WDCP: variants seen among roughly 807,000 people sequenced by gnomAD.
WDCP encodes the protein WD repeat and coiled-coil-containing protein.
WDCP carries 19 observed loss-of-function variants against 41.6 expected under a neutral mutation model. The ratio of observed to expected loss-of-function variants is 0.46; its 90% CI spans 0.32 to 0.67. The LOEUF (loss-of-function observed/expected upper bound fraction) is 0.67, where lower values mean the gene tolerates loss of function less well. Ranked by LOEUF, WDCP falls within the 30% of genes least tolerant of loss-of-function variation. The probability of loss-of-function intolerance (pLI) is 0.04; values close to 1 mark genes in which losing one functional copy is unlikely to be tolerated. For synonymous variants in WDCP, 302 were observed against 320.8 expected (o/e 0.94, Z 0.63); for missense variants, 802 against 850.7 (o/e 0.94, Z 0.71).
chr2:24,036,003 A>G (rs1663240607), intron 2 of WDCP, among the ~76,000 whole-genome samples: 1 of 150,790 alleles, frequency 6.6e-6, no homozygotes, highest in Non-Finnish European at 1.5e-5. Context: ...TGGGAGTTGG[A>G]GGTTGCAGCG....
intron 1 of WDCP, among the ~76,000 whole-genome samples, chr2:24,040,853 C>T (rs1663405770): frequency 1.3e-5 from 2 of 151,516 alleles, no homozygotes; most frequent in South Asian, 4.2e-4. Flanking sequence ...CCCATCTCTA[C>T]TAAAAATACA....
chr2:24,043,627 A>G (rs1255170594), intron 1 of WDCP, among the ~76,000 whole-genome samples: 1 of 152,210 alleles, frequency 6.6e-6, no homozygotes, highest in African/African-American at 2.4e-5. Flanking sequence ...TCTCTTCTTA[A>G]TATACTTAAA....
Position 24,038,934 on chromosome 2 carries a change from A to G in WDCP, c.561T>C (p.Ala187=), listed in dbSNP as rs764072892. The part of the protein sequence containing the change: ...SSLHSYIWDS[A]QKTLHRCSSC... ...AGGAGCACCTGTGAAGAGTCTTCTG[A>G]GCGCTGTCCCAAATATAAGAATGCA... Residue 187 remains alanine, a synonymous_variant, in exon 2 of 4, where the codon GCT becomes GCC. Transcript: ENST00000295148. 1 of 1,614,208 alleles carries G rather than the reference A, an allele frequency of 6.2e-7. No homozygotes were observed. The highest frequency in any genetic ancestry group is 1.3e-5 in the African/African-American group (1 of 75,050).
chr2:24,041,049 C>T (rs1464690296), intron 1 of WDCP, among the ~76,000 whole-genome samples: 1 of 151,306 alleles, frequency 6.6e-6, no homozygotes, highest in Admixed American at 6.6e-5. Context: ...AAAACAAGTA[C>T]ATGCTTAGGC....
At chr2:24,046,765 C>G (rs1296191380) in intron 1 of WDCP, among the ~76,000 whole-genome samples, 1 of 152,166 alleles carries the variant, frequency 6.6e-6, no homozygotes, top group African/African-American at 2.4e-5. Context: ...AAACATTCAT[C>G]CAAAGAAAAT....
At chr2:24,036,419 G>T (rs1166542230) in intron 2 of WDCP, among the ~76,000 whole-genome samples, 7 of 152,080 alleles carry the variant, frequency 4.6e-5, no homozygotes, top group Admixed American at 3.9e-4. Flanking sequence ...AAGCAGGAGG[G>T]TCACTGATCA....
rs760028122 is a variant in WDCP, at chr2:24,038,742, T to G, written c.753A>C (p.Leu251Phe). 13 of 1,614,210 alleles carry G rather than the reference T, an allele frequency of 8.1e-6. No homozygotes were observed. The South Asian group carries it at 1.2e-4, about 15-fold the overall frequency. The change falls in exon 2 of 4, where the codon TTA becomes TTC. Residue 251 changes from leucine (L) to phenylalanine (F), a missense_variant. Leu to Phe is a conservative substitution (Grantham distance 22). Coordinates refer to ENST00000295148, the MANE Select transcript of WDCP (RefSeq NM_025203.3). ...PNSKDMTPYA[L>F]PVIGEVRSMD... Reference sequence around the variant, plus strand: ...TAGAGCGTACTTCACCAATAACTGGTAAAGCATACGGAGTCATGTCTTTAC... The same window carrying G: ...TAGAGCGTACTTCACCAATAACTGGGAAAGCATACGGAGTCATGTCTTTAC...
chr2:24,042,398 T>C (rs1377321270), intron 1 of WDCP, among the ~76,000 whole-genome samples: 6 of 151,832 alleles, frequency 4.0e-5, no homozygotes, highest in African/African-American at 9.7e-5. Flanking sequence ...TAGCCAGGTG[T>C]GTTGGCGGGC....
At chr2:24,037,403 T>C (rs1320460779) in intron 2 of WDCP, among the ~76,000 whole-genome samples, 3 of 152,236 alleles carry the variant, frequency 2.0e-5, no homozygotes, top group Admixed American at 2.0e-4. Context: ...TGATTTTTTT[T>C]CTAAATATAA....
rs766554000 is a variant in WDCP, at chr2:24,029,878, C to T, written c.*1055G>A. 4 of 152,480 alleles carry T rather than the reference C, an allele frequency of 2.6e-5. No homozygotes were observed. The highest frequency in any genetic ancestry group is 4.4e-5 in the Non-Finnish European group (3 of 68,036). The allele number at this position is 152,480 out of a possible 1,614,324, so 9.4% of individuals were successfully genotyped here. ...TGAAGGCAGTGAGAAGTGGTGTTAC[C>T]ATCTGAAGTGGGTCAGGGCTCTTAC... On this transcript the variant is annotated 3_prime_UTR_variant, in exon 4 of 4. Transcript: ENST00000295148.
In WDCP at chr2:24,038,806, C is replaced by T. The variant is rs749495440; in HGVS notation, c.689G>A (p.Gly230Asp). Residue 230 changes from glycine to aspartate, a missense_variant, in exon 2 of 4, where the codon GGC (glycine) becomes GAC (aspartate). Gly to Asp is a moderately conservative substitution (Grantham distance 94). Coordinates refer to ENST00000295148, the MANE Select transcript of WDCP (RefSeq NM_025203.3). ...ATELPLDKIC[G>D]LNASETFNIP... ...ATTAAAGGTTTCAGATGCATTTAAG[C>T]CACAGATCTTATCCAATGGAAGCTC... The T allele has an allele frequency of 4.3e-6, 7 of 1,614,170 alleles. No individual in the cohort carries two copies. Among genetic ancestry groups the T allele is most frequent in the Non-Finnish European group, 5.9e-6 (7 of 1,180,032 alleles).
intron 2 of WDCP, among the ~76,000 whole-genome samples, chr2:24,035,444 G>A (rs896785171): frequency 2.6e-5 from 4 of 151,988 alleles, no homozygotes; most frequent in African/African-American, 9.7e-5. Context: ...CATAGGGTAG[G>A]AATAAGAGTT....
intron 3 of WDCP, 64 bp from the exon 4 acceptor site, chr2:24,031,226 C>G: frequency 7.9e-7 from 1 of 1,273,692 alleles, no homozygotes; most frequent in South Asian, 1.4e-5. Flanking sequence ...AAACATATGA[C>G]TACAAATTTT....
chr2:24,035,750 A>ATAGTTAAAAAAAAATTTTTTT (rs1230316829), intron 2 of WDCP, among the ~76,000 whole-genome samples: 1 of 151,636 alleles, frequency 6.6e-6, no homozygotes. Context: ...CCTTGTCTCT[A>ATAGTTAAAAAAAAATTTTTTT]TAGTTAAAAA....
intron 1 of WDCP, among the ~76,000 whole-genome samples, chr2:24,040,244 A>C (rs78181359): frequency 5.1e-4 from 78 of 152,322 alleles, no homozygotes; most frequent in Middle Eastern, 3.4e-3. Context: ...GACAAAAAAA[A>C]CCCAAATTTT....
At position 24,039,453 on chromosome 2, in the gene WDCP, A is replaced by G. The variant is rs201782060; in HGVS notation, c.42T>C (p.Asn14=). ...TCGGATGCACTGCTTGATGCAACGC[A>G]TTCAGTCCAGTCCTGAGTAGTTTTC... ...GKGKLLRTGL[N]ALHQAVHPIH... The change falls in exon 2 of 4, where the codon AAT becomes AAC. Residue 14 remains asparagine (N), a synonymous_variant. Coordinates refer to ENST00000295148, the MANE Select transcript of WDCP (RefSeq NM_025203.3). 5.0e-6 allele frequency: 8 copies of G among 1,614,254 alleles called. No individual in the cohort carries two copies. The African/African-American group carries it at 9.3e-5, about 19-fold the overall frequency.
intron 2 of WDCP, 98 bp downstream of exon 2, chr2:24,037,579 A>G (rs749914359): frequency 2.0e-5 from 26 of 1,308,478 alleles, no homozygotes; most frequent in Non-Finnish European, 2.6e-5. Flanking sequence ...AGTGAAGCTC[A>G]GTTAGAGCAC....
Position 24,039,032 on chromosome 2 carries a change from T to C in WDCP, c.463A>G (p.Thr155Ala). 1 of 1,614,112 alleles carries C rather than the reference T, an allele frequency of 6.2e-7. No homozygotes were observed. The highest frequency in any genetic ancestry group is 8.5e-7 in the Non-Finnish European group (1 of 1,180,036). Residue 155 changes from threonine to alanine, a missense_variant, in exon 2 of 4, where the codon ACC (threonine) becomes GCC (alanine). By Grantham distance (58) the Thr-to-Ala change is moderately conservative. Coordinates refer to ENST00000295148, the MANE Select transcript of WDCP (RefSeq NM_025203.3). ...DDSQVKADIN[T>A]QGRIHCACWT... Reference sequence around the variant, plus strand: ...CATGCACAGTGAATGCGGCCCTGGGTGTTGATGTCTGCCTTTACCTGGGAA... The same window carrying C: ...CATGCACAGTGAATGCGGCCCTGGGCGTTGATGTCTGCCTTTACCTGGGAA...
At chr2:24,045,326 G>C (rs550065146) in intron 1 of WDCP, among the ~76,000 whole-genome samples, 3 of 152,290 alleles carry the variant, frequency 2.0e-5, no homozygotes, top group Admixed American at 2.0e-4. Context: ...GGCAGGCTGG[G>C]TGTGGTGCCT....
Sources: gnomAD v4.1 joint callset for allele counts (sites outside exome capture counted in the v4.1 genomes callset) on GRCh38, gnomAD v4.1.1 for gene constraint, MANE v1.5 for transcripts, NCBI Gene and HGNC (gene_info 2026-07-23, HGNC 2026-07-21) for gene names.